MCTS1: variants seen among roughly 807,000 people sequenced by gnomAD.
The protein encoded by MCTS1 is MCTS1 re-initiation and release factor, also known as malignant T-cell-amplified sequence 1.
For synonymous variants in MCTS1, 26 were observed against 40.8 expected, an observed-to-expected ratio of 0.64 and a Z score of 1.38; for missense variants, 55 against 128.6, an observed-to-expected ratio of 0.43 and a Z score of 2.77.
intron 3 of MCTS1, among the ~76,000 whole-genome samples, chrX:120,607,853 G>C (rs1430536175): frequency 9.1e-6 from 1 of 110,339 alleles, no homozygotes; most frequent in Non-Finnish European, 1.9e-5. Flanking sequence ...TTTACTCTGC[G>C]TTTTTCACTT....
rs1926673011 is a variant in MCTS1 at position 120,611,006 on chromosome X, T to A, written c.397-5T>A. On this transcript the variant is annotated splice_region_variant and splice_polypyrimidine_tract_variant and intron_variant, in intron 4 of 5. Coordinates refer to ENST00000371317, the MANE Select transcript of MCTS1 (RefSeq NM_014060.3). ...TAAATAGTTTTCTTAGCTGTGTTCTTTCAGGCTATCATGGCAGAAGGAAAA... is the reference window on the plus strand; with the variant it reads ...TAAATAGTTTTCTTAGCTGTGTTCTATCAGGCTATCATGGCAGAAGGAAAA... 8.3e-7 allele frequency: 1 copy of A among 1,209,504 alleles called. No individual in the cohort carries two copies. The highest frequency in any genetic ancestry group is 1.7e-5 in the African/African-American group (1 of 57,375).
rs1185955176 is a variant in MCTS1 at position 120,613,380 on chromosome X, A to G, written c.*1116A>G. ...CTTTAAAAATTAGAAAAACCCCACA[A>G]TACCATTATCACACCTAAAAAGTTG... On this transcript the variant is annotated 3_prime_UTR_variant, in exon 6 of 6. Transcript: ENST00000371317. Among the ~76,000 whole-genome samples, 3 of 111,841 alleles carry G rather than the reference A, an allele frequency of 2.7e-5. No individual in the cohort carries two copies. Among genetic ancestry groups the G allele is most frequent in the Non-Finnish European group, 5.6e-5 (3 of 53,181 alleles).
At chrX:120,608,110 A>G in intron 3 of MCTS1, 115 bp from the exon 4 acceptor site, 1 of 557,168 alleles carries the variant, frequency 1.8e-6, no homozygotes, top group East Asian at 3.9e-5. Flanking sequence ...ATAGTGTTTC[A>G]GAGTTTTCTT....
chrX:120,614,153 G>A lies in MCTS1; in HGVS notation c.*1889G>A, dbSNP rs1211105009. On this transcript the variant is annotated 3_prime_UTR_variant, in exon 6 of 6. Coordinates refer to ENST00000371317, the MANE Select transcript of MCTS1 (RefSeq NM_014060.3). ...TGTAACATAGGTGGACATAGATCCAGGGTCTGACCCTCAGCTTGAGAAACC... is the reference window on the plus strand; with the variant it reads ...TGTAACATAGGTGGACATAGATCCAAGGTCTGACCCTCAGCTTGAGAAACC... Among the ~76,000 whole-genome samples, 1 of 112,107 alleles carries A rather than the reference G, an allele frequency of 8.9e-6. No homozygotes were observed. Among genetic ancestry groups the A allele is most frequent in the East Asian group, 2.8e-4 (1 of 3,566 alleles).
chrX:120,605,242 G>C (rs1444935939), intron 1 of MCTS1, among the ~76,000 whole-genome samples, 165 bp from the exon 2 acceptor site: 1 of 111,746 alleles, frequency 8.9e-6, no homozygotes, highest in Non-Finnish European at 1.9e-5. Flanking sequence ...GTGCTGGACA[G>C]AGTAAAAGGG....
chrX:120,607,444 C>T (rs1926571550), intron 3 of MCTS1, among the ~76,000 whole-genome samples: 1 of 111,267 alleles, frequency 9.0e-6, no homozygotes, highest in South Asian at 3.7e-4. Flanking sequence ...TACCCCTTAA[C>T]CAACTTCTCC....
intron 5 of MCTS1, among the ~76,000 whole-genome samples, chrX:120,611,932 C>T (rs922875337): frequency 9.0e-6 from 1 of 111,657 alleles, no homozygotes; most frequent in African/African-American, 3.3e-5. Context: ...CTTTGATATT[C>T]CCCTAGTCTT....
chrX:120,614,596 CA>C lies in MCTS1; in HGVS notation c.*2333del, dbSNP rs1434741535. ...AGGAACTCATTTGTAAGTCATCTCC[CA>C]GGGGGGTTTCTTCAACAGATAGTTT... On this transcript the variant is annotated 3_prime_UTR_variant, in exon 6 of 6. Transcript: ENST00000371317. 8.9e-6 allele frequency among the ~76,000 whole-genome samples: 1 copy of C among 111,863 alleles called. No homozygotes were observed. The highest frequency in any genetic ancestry group is 1.9e-5 in the Non-Finnish European group (1 of 53,184).
Position 120,620,297 on chromosome X carries a change from A to G in MCTS1, c.*8033A>G, listed in dbSNP as rs563505183. 5.0e-5 allele frequency among the ~76,000 whole-genome samples: 5 copies of G among 100,872 alleles called. No individual in the cohort carries two copies. In the East Asian group the frequency reaches 1.6e-3, roughly 32 times the overall value. The allele number at this position is 100,872 out of a possible 115,157, so 87.6% of individuals were successfully genotyped here. A position where few individuals can be genotyped will look rare whatever the true frequency, so the allele number is the denominator to read the frequency against. On this transcript the variant is annotated 3_prime_UTR_variant, in exon 6 of 6. Coordinates refer to ENST00000371317, the MANE Select transcript of MCTS1 (RefSeq NM_014060.3). ...CATTCCAGCCTGGACAACAGAGCGA[A>G]ACTCCGTCTCAAAAACCAACCAAAC... is the stretch of plus-strand genomic sequence containing the variant.
rs919441424 is a variant in MCTS1, at chrX:120,620,741, A to G, written c.*8477A>G. On this transcript the variant is annotated 3_prime_UTR_variant, in exon 6 of 6. Transcript: ENST00000371317. ...TAATCTACATTTTGCTCCGGATCCA[A>G]TGATTTAATTTTTGGGAAGAAAAAT... 9.8e-5 allele frequency: 11 copies of G among 112,492 alleles called. No individual in the cohort carries two copies. The highest frequency in any genetic ancestry group is 5.5e-4 in the East Asian group (2 of 3,615). The allele number at this position is 112,492 out of a possible 1,213,427, so 9.3% of individuals were successfully genotyped here.
chrX:120,607,468 G>GT (rs1027776291), intron 3 of MCTS1, among the ~76,000 whole-genome samples: 27 of 109,700 alleles, frequency 2.5e-4, no homozygotes, highest in Non-Finnish European at 4.8e-4. Context: ...TCCCCTTGTA[G>GT]TTTTTTTTTA....
chrX:120,617,144 CAG>C lies in MCTS1; in HGVS notation c.*4882_*4883del, dbSNP rs982884221. ...AAATTGGTTTATCTTTAGGCAGAAA[CAG>C]AAAGCAAAAAATTAAACTCATCCAA... is the stretch of plus-strand genomic sequence containing the variant. On this transcript the variant is annotated 3_prime_UTR_variant, in exon 6 of 6. Coordinates refer to ENST00000371317, the MANE Select transcript of MCTS1 (RefSeq NM_014060.3). Among the ~76,000 whole-genome samples the C allele has an allele frequency of 1.8e-4, 20 of 112,147 alleles. No homozygotes were observed. The highest frequency in any genetic ancestry group is 6.2e-4 in the African/African-American group (19 of 30,873).
At chrX:120,610,531 T>G (rs1195685988) in intron 4 of MCTS1, among the ~76,000 whole-genome samples, 1 of 112,054 alleles carries the variant, frequency 8.9e-6, no homozygotes, top group Non-Finnish European at 1.9e-5. Context: ...GAGAATTGCT[T>G]GAACCCGGGA....
chrX:120,615,808 T>C lies in MCTS1; in HGVS notation c.*3544T>C. Among the ~76,000 whole-genome samples the C allele has an allele frequency of 9.0e-6, 1 of 111,573 alleles. No individual in the cohort carries two copies. Among genetic ancestry groups the C allele is most frequent in the Non-Finnish European group, 1.9e-5 (1 of 53,165 alleles). On this transcript the variant is annotated 3_prime_UTR_variant, in exon 6 of 6. Coordinates refer to ENST00000371317, the MANE Select transcript of MCTS1 (RefSeq NM_014060.3). ...TGTTGGGAAGCTGCATTTTTCCTTT[T>C]CTGTTTTTATGCTCTGGACCCCAAA... is the stretch of plus-strand genomic sequence containing the variant.
chrX:120,606,242 T>C, intron 3 of MCTS1, 66 bp downstream of exon 3: 1 of 637,332 alleles, frequency 1.6e-6, no homozygotes, highest in Non-Finnish European at 2.3e-6. Context: ...TGTAAAGTCT[T>C]GTAAGAAATA....
chrX:120,605,627 T>C, intron 2 of MCTS1, 68 bp downstream of exon 2: 1 of 1,014,045 alleles, frequency 9.9e-7, no homozygotes, highest in South Asian at 2.3e-5. Flanking sequence ...ATTGCACTCA[T>C]ACTAAATGGA....
Position 120,612,511 on chromosome X carries a change from G to A in MCTS1, c.*247G>A, listed in dbSNP as rs896940429. ...TCATACAACTAATGTCCTTTCTTAG[G>A]CTAATGATATAAGAGTGAAGAGCAG... On this transcript the variant is annotated 3_prime_UTR_variant, in exon 6 of 6. Coordinates refer to ENST00000371317, the MANE Select transcript of MCTS1 (RefSeq NM_014060.3). The A allele has an allele frequency of 2.1e-5, 6 of 280,117 alleles. No homozygotes were observed. Among genetic ancestry groups the A allele is most frequent in the Non-Finnish European group, 3.8e-5 (6 of 159,189 alleles). The allele number at this position is 280,117 out of a possible 1,213,427, so 23.1% of individuals were successfully genotyped here. A position where few individuals can be genotyped will look rare whatever the true frequency, so the allele number is the denominator to read the frequency against.
chrX:120,610,566 C>T (rs779741261), intron 4 of MCTS1, among the ~76,000 whole-genome samples: 1 of 112,174 alleles, frequency 8.9e-6, no homozygotes, highest in South Asian at 3.7e-4. Flanking sequence ...TGAGCCAAGA[C>T]TGCGCCATTG....
chrX:120,619,554 C>T lies in MCTS1; in HGVS notation c.*7290C>T, dbSNP rs185689376. Among the ~76,000 whole-genome samples the T allele has an allele frequency of 1.2e-3, 137 of 109,707 alleles. 2 individuals are homozygous for T. The highest frequency in any genetic ancestry group is 0.012 in the East Asian group (40 of 3,457). ...TAAATGGCAGAACTGGAATTTGAACCTAAGTCTCCTTGTCTGCAAATCCTG... is the reference window on the plus strand; with the variant it reads ...TAAATGGCAGAACTGGAATTTGAACTTAAGTCTCCTTGTCTGCAAATCCTG... On this transcript the variant is annotated 3_prime_UTR_variant, in exon 6 of 6. Coordinates refer to ENST00000371317, the MANE Select transcript of MCTS1 (RefSeq NM_014060.3).
Sources: allele counts gnomAD v4.1 joint callset (sites outside exome capture counted in the v4.1 genomes callset), GRCh38; gene constraint gnomAD v4.1.1; transcripts MANE v1.5; gene names NCBI Gene and HGNC (gene_info 2026-07-23, HGNC 2026-07-21).